The following TDP1 variants were observed in gnomAD, a reference collection of about 807,000 sequenced individuals.
TDP1 encodes tyr-DNA phosphodiesterase 1.
Under a neutral mutation model 81.5 loss-of-function variants are expected in TDP1, and 64 were observed. The observed-to-expected ratio is 0.79, with a 90% CI of 0.64 to 0.97. The LOEUF is 0.97. TDP1 is among the 50% of genes least tolerant of loss of function. The pLI is 0.00. For missense variants in TDP1, 723 were observed against 743.8 expected (o/e 0.97, Z 0.33); for synonymous variants, 256 against 264.3 (o/e 0.97, Z 0.30).
At chr14:90,008,598 T>C (rs570662970) in intron 14 of TDP1, among the ~76,000 whole-genome samples, 2 of 152,356 alleles carry the variant, frequency 1.3e-5, no homozygotes, top group Admixed American at 1.3e-4. Flanking sequence ...ATAGAATATA[T>C]AAAGGTATTA....
At chr14:89,971,941 T>C (rs932598474) in intron 6 of TDP1, among the ~76,000 whole-genome samples, 4 of 152,098 alleles carry the variant, frequency 2.6e-5, no homozygotes, top group African/African-American at 9.7e-5. Context: ...GCATCTAAGG[T>C]CTAAACAGGA....
rs1218004087 is a variant in TDP1 at position 89,963,473 on chromosome 14, A to G, written c.359A>G (p.Asn120Ser). The G allele has an allele frequency of 6.2e-7, 1 of 1,610,128 alleles. No homozygotes were observed. The highest frequency in any genetic ancestry group is 1.7e-5 in the Admixed American group (1 of 59,530). The stretch of plus-strand genomic sequence containing the variant: ...AAGGAGAAAGACATCTCTGCTCCCA[A>G]TGACGGCACTGCCCAAAGAACTGAA... ...IKKEKDISAP[N>S]DGTAQRTENH... The change falls in exon 3 of 17, where the codon AAT becomes AGT. Residue 120 changes from asparagine (N) to serine (S), a missense_variant. Transcript: ENST00000335725.
Position 89,984,596 on chromosome 14 carries a change from A to T in TDP1, c.965A>T (p.Asp322Val), listed in dbSNP as rs757098079. The part of the protein sequence containing the change: ...SGESPTHFKA[D>V]LISYLMAYNA... Reference sequence around the variant, plus strand: ...GAGTCGCCAACACATTTTAAAGCTGATCTCATCAGTTACTTGATGGCTTAT... The same window carrying T: ...GAGTCGCCAACACATTTTAAAGCTGTTCTCATCAGTTACTTGATGGCTTAT... Residue 322 changes from aspartate (D) to valine (V), a missense_variant, in exon 9 of 17, where the codon GAT becomes GTT. Asp to Val is a radical substitution (Grantham distance 152, BLOSUM62 -3). Coordinates refer to ENST00000335725, the MANE Select transcript of TDP1 (RefSeq NM_018319.4). 6.2e-7 allele frequency: 1 copy of T among 1,614,140 alleles called. No homozygotes were observed. Among genetic ancestry groups the T allele is most frequent in the South Asian group, 1.1e-5 (1 of 91,086 alleles).
At chr14:89,989,317 G>C (rs1297890705) in intron 11 of TDP1, 1 of 985,094 alleles carries the variant, frequency 1.0e-6, no homozygotes, top group African/African-American at 1.7e-5. Context: ...ATTCGTTCAG[G>C]AGCTCCATTG....
intron 16 of TDP1, chr14:90,033,495 T>C (rs1887519480): frequency 2.3e-6 from 1 of 434,312 alleles, no homozygotes; most frequent in Admixed American, 3.3e-5. Flanking sequence ...AAGTCAAAAA[T>C]GCATTTAATG....
chr14:89,982,981 C>T (rs969663220), intron 8 of TDP1: 41 of 373,290 alleles, frequency 1.1e-4, no homozygotes, highest in African/African-American at 8.4e-4. Context: ...GAGTTGCATC[C>T]AAAGCTCACA....
Position 89,963,460 on chromosome 14 carries a change from A to G in TDP1, c.346A>G (p.Ile116Val), listed in dbSNP as rs370785146. 34 of 1,611,764 alleles carry G rather than the reference A, an allele frequency of 2.1e-5. No individual in the cohort carries two copies. The Admixed American group carries it at 4.9e-4, about 23-fold the overall frequency. ...AGTGGTGATCAAAAAGGAGAAAGAC[A>G]TCTCTGCTCCCAATGACGGCACTGC... ...EKVVIKKEKD[I>V]SAPNDGTAQR... Residue 116 changes from isoleucine (I) to valine (V), a missense_variant, in exon 3 of 17, where the codon ATC (isoleucine) becomes GTC (valine). Physicochemically the swap from Ile to Val is conservative, Grantham distance 29. Transcript: ENST00000335725.
chr14:89,963,369 C>T lies in TDP1; in HGVS notation c.255C>T (p.Leu85=), dbSNP rs200071764. ...KRQKSGSQED[L]GWCLSSSDDE... ...AGAAAAGCGGTTCCCAGGAGGACCT[C>T]GGCTGGTGTCTGTCCAGCAGTGATG... The change falls in exon 3 of 17, where the codon CTC becomes CTT. Residue 85 remains leucine (L), a synonymous_variant. Transcript: ENST00000335725. 58 of 1,614,188 alleles carry T rather than the reference C, an allele frequency of 3.6e-5. No homozygotes were observed. The highest frequency in any genetic ancestry group is 1.5e-4 in the Admixed American group (9 of 60,030).
intron 7 of TDP1, among the ~76,000 whole-genome samples, chr14:89,976,554 T>TTTTTTTTTTTTTTTTTTTTTTG (rs1566862561): frequency 1.4e-5 from 2 of 141,846 alleles, no homozygotes; most frequent in African/African-American, 5.4e-5. Context: ...TTTTTTTTTT[T>TTTTTTTTTTTTTTTTTTTTTTG]TAGACAGAGT....
At chr14:90,035,011 T>C (rs1462305468) in intron 16 of TDP1, among the ~76,000 whole-genome samples, 4 of 152,000 alleles carry the variant, frequency 2.6e-5, no homozygotes, top group Admixed American at 6.6e-5. Flanking sequence ...GCTTTCATGG[T>C]GAACCAAGCC....
intron 7 of TDP1, chr14:89,980,298 T>C (rs2140069323): frequency 1.0e-6 from 1 of 985,430 alleles, no homozygotes; most frequent in Non-Finnish European, 1.2e-6. Context: ...GTGCCAGGAC[T>C]GGCACTAGGG....
In TDP1 at chr14:89,956,695, T is replaced by G. The variant is rs1474380020; in HGVS notation, c.-113T>G. 2 of 152,180 alleles carry G rather than the reference T, an allele frequency of 1.3e-5. No homozygotes were observed. Among genetic ancestry groups the G allele is most frequent in the Non-Finnish European group, 2.9e-5 (2 of 68,056 alleles). The allele number at this position is 152,180 out of a possible 1,614,324, so 9.4% of individuals were successfully genotyped here. On this transcript the variant is annotated 5_prime_UTR_variant, in exon 2 of 17. Coordinates refer to ENST00000335725, the MANE Select transcript of TDP1 (RefSeq NM_018319.4). ...GCTGAATCACTTGAGGTTAGGAGTT[T>G]GAGATCAGCCCGGGCAACATGGTGA...
chr14:89,961,440 A>G (rs1892312072), intron 2 of TDP1, among the ~76,000 whole-genome samples: 1 of 152,238 alleles, frequency 6.6e-6, no homozygotes, highest in South Asian at 2.1e-4. Context: ...TAGCTGCTGA[A>G]GAAAAAAGAA....
chr14:90,016,516 G>A (rs1224484197), intron 14 of TDP1, among the ~76,000 whole-genome samples: 1 of 152,168 alleles, frequency 6.6e-6, no homozygotes, highest in African/African-American at 2.4e-5. Context: ...TCCAGTGCCA[G>A]AGGCACAAAA....
At chr14:90,023,175 A>T (rs1172637212) in intron 15 of TDP1, 7 of 705,196 alleles carry the variant, frequency 9.9e-6, no homozygotes, top group Non-Finnish European at 1.8e-5. Flanking sequence ...CTCTGAGAAG[A>T]GGGACCATGT....
intron 16 of TDP1, among the ~76,000 whole-genome samples, chr14:90,036,411 G>C (rs1200302032): frequency 6.6e-6 from 1 of 152,172 alleles, no homozygotes; most frequent in Non-Finnish European, 1.5e-5. Flanking sequence ...TGATTTTCAA[G>C]CCATTGTAAC....
rs1448806756 is a variant in TDP1, at chr14:89,989,751, T to C, written c.1352T>C (p.Leu451Ser). 3.7e-6 allele frequency: 6 copies of C among 1,610,592 alleles called. No homozygotes were observed. The highest frequency in any genetic ancestry group is 4.2e-6 in the Non-Finnish European group (5 of 1,176,984). ...YPSVENVRTS[L>S]EGYPAGGSLP... ...TCTGTGGAAAATGTGCGGACCAGTT[T>C]AGAAGGATATCCTGGTAATTCTTGG... Residue 451 changes from leucine to serine, a missense_variant, in exon 12 of 17, where the codon TTA (leucine) becomes TCA (serine). By Grantham distance (145) the Leu-to-Ser change is moderately radical (BLOSUM62 -2). Coordinates refer to ENST00000335725, the MANE Select transcript of TDP1 (RefSeq NM_018319.4).
In TDP1 at chr14:90,017,369, G is replaced by C. The variant is rs1885441838; in HGVS notation, c.1542-1947G>C. ...TAAAGATGATATCTCAGGGAATGTT[G>C]ATTTATCACCTAGACAACCTGCAAG... On this transcript the variant is annotated intron_variant, in intron 14 of 16. Transcript: ENST00000335725. 2.0e-5 allele frequency among the ~76,000 whole-genome samples: 3 copies of C among 152,076 alleles called. No homozygotes were observed. The South Asian group carries it at 6.2e-4, about 32-fold the overall frequency.
intron 16 of TDP1, among the ~76,000 whole-genome samples, chr14:90,041,602 C>T (rs910109143): frequency 6.6e-6 from 1 of 152,170 alleles, no homozygotes; most frequent in African/African-American, 2.4e-5. Context: ...AAAGGTTGCC[C>T]CAGAGGCGAG....
Sources: gnomAD v4.1 joint callset for allele counts (sites outside exome capture counted in the v4.1 genomes callset) on GRCh38, gnomAD v4.1.1 for gene constraint, MANE v1.5 for transcripts, NCBI Gene and HGNC (gene_info 2026-07-23, HGNC 2026-07-21) for gene names.